Variants in AUH observed in about 807,000 individuals in gnomAD.
AUH encodes the protein methylglutaconyl-CoA hydratase, mitochondrial.
AUH carries 29 observed loss-of-function variants against 42.3 expected under a neutral mutation model. The ratio of observed to expected loss-of-function variants is 0.69; its 90% CI spans 0.51 to 0.93. The LOEUF is 0.93. Among genes scored for constraint, AUH ranks in the 40% least tolerant of loss-of-function variants. The probability of loss-of-function intolerance (pLI) is 0.00; values close to 1 mark genes in which losing one functional copy is unlikely to be tolerated. For synonymous variants in AUH, 174 were observed against 166.4 expected (o/e 1.05, Z -0.35); for missense variants, 452 against 438.1 (o/e 1.03, Z -0.28).
At chr9:91,217,191 A>G (rs1290896082) in intron 8 of AUH, 86 bp downstream of exon 8, 10 of 1,405,474 alleles carry the variant, frequency 7.1e-6, no homozygotes, top group Non-Finnish European at 9.9e-6. Context: ...GAACTTTAAA[A>G]AAAATGTAGA....
intron 6 of AUH, among the ~76,000 whole-genome samples, chr9:91,285,421 G>C (rs1826323326): frequency 6.6e-6 from 1 of 151,432 alleles, no homozygotes; most frequent in Non-Finnish European, 1.5e-5. Context: ...TAACAAATCT[G>C]CACATTGTGC....
At chr9:91,300,915 C>T (rs1304966836) in intron 4 of AUH, among the ~76,000 whole-genome samples, 2 of 152,172 alleles carry the variant, frequency 1.3e-5, no homozygotes, top group East Asian at 1.9e-4. Flanking sequence ...CTGTGCATAA[C>T]CTTTTCTATC....
At chr9:91,331,048 G>T (rs538502534) in intron 3 of AUH, among the ~76,000 whole-genome samples, 1 of 152,140 alleles carries the variant, frequency 6.6e-6, no homozygotes, top group South Asian at 2.1e-4. Flanking sequence ...TAAGTTTCCT[G>T]ATTCCATACG....
intron 6 of AUH, among the ~76,000 whole-genome samples, chr9:91,272,425 T>C (rs1227503195): frequency 1.3e-5 from 2 of 152,184 alleles, no homozygotes; most frequent in East Asian, 3.9e-4. Context: ...AATCAGCACA[T>C]CTTAGGAGTC....
At position 91,273,964 on chromosome 9, in the gene AUH, A is replaced by G. The variant is rs1423334564; in HGVS notation, c.655+22057T>C. Among the ~76,000 whole-genome samples the G allele has an allele frequency of 3.3e-5, 5 of 152,342 alleles. No homozygotes were observed. The East Asian group carries it at 9.6e-4, about 29-fold the overall frequency. On this transcript the variant is annotated intron_variant, in intron 6 of 9. Transcript: ENST00000375731. ...CTGACCAGGTATATTTGAATTTAAG[A>G]AAGACAATCTGTTCTTTTGAGTCTA...
intron 6 of AUH, among the ~76,000 whole-genome samples, chr9:91,278,902 G>A (rs184876948): frequency 8.7e-4 from 133 of 152,250 alleles, no homozygotes; most frequent in African/African-American, 2.9e-3. Context: ...CCCAGGCAAA[G>A]AAAAGATTCC....
chr9:91,268,646 T>C (rs1054792300), intron 6 of AUH, among the ~76,000 whole-genome samples: 2 of 152,088 alleles, frequency 1.3e-5, no homozygotes, highest in Non-Finnish European at 2.9e-5. Context: ...CCCAGGCTGG[T>C]CTCAAACTCC....
intron 1 of AUH, among the ~76,000 whole-genome samples, chr9:91,359,418 T>A (rs1832681879): frequency 6.6e-6 from 1 of 152,118 alleles, no homozygotes; most frequent in Non-Finnish European, 1.5e-5. Context: ...CATAAATGGA[T>A]CATATGTTCT....
rs540546157 is a variant in AUH, at chr9:91,222,531, C to T, written c.656-1539G>A. Among the ~76,000 whole-genome samples the T allele has an allele frequency of 5.9e-5, 9 of 152,246 alleles. No homozygotes were observed. The South Asian group carries it at 6.2e-4, about 11-fold the overall frequency. ...AGTTTATATAAGTGTTTACTCGATA[C>T]GGCAGAAAATATGTGTCTGAAGACA... On this transcript the variant is annotated intron_variant, in intron 6 of 9. Coordinates refer to ENST00000375731, the MANE Select transcript of AUH (RefSeq NM_001698.3).
At chr9:91,252,639 G>T (rs1351364066) in intron 6 of AUH, among the ~76,000 whole-genome samples, 1 of 152,138 alleles carries the variant, frequency 6.6e-6, no homozygotes, top group Non-Finnish European at 1.5e-5. Flanking sequence ...ATGGCACCTG[G>T]ATTACCAAAG....
intron 6 of AUH, among the ~76,000 whole-genome samples, chr9:91,259,229 T>C (rs982669965): frequency 2.0e-5 from 3 of 152,232 alleles, no homozygotes; most frequent in African/African-American, 7.2e-5. Context: ...CCTATTCTCA[T>C]GTCATGTTTT....
At chr9:91,226,100 G>C (rs1331395823) in intron 6 of AUH, among the ~76,000 whole-genome samples, 3 of 147,966 alleles carry the variant, frequency 2.0e-5, no homozygotes, top group Non-Finnish European at 4.5e-5. Context: ...GGTATTTCTA[G>C]TTCTAGATCC....
chr9:91,230,602 T>C (rs1017833249), intron 6 of AUH, among the ~76,000 whole-genome samples: 10 of 152,258 alleles, frequency 6.6e-5, no homozygotes, highest in African/African-American at 2.4e-4. Flanking sequence ...GGTGAGGAGC[T>C]GCGTTCCTTT....
At chr9:91,289,550 A>C (rs944670535) in intron 6 of AUH, among the ~76,000 whole-genome samples, 8 of 152,230 alleles carry the variant, frequency 5.3e-5, no homozygotes, top group African/African-American at 1.9e-4. Flanking sequence ...CCAAGAAGGG[A>C]GAAAAAAATT....
intron 8 of AUH, among the ~76,000 whole-genome samples, chr9:91,216,561 A>G (rs1396537790): frequency 6.6e-6 from 1 of 152,182 alleles, no homozygotes; most frequent in Non-Finnish European, 1.5e-5. Flanking sequence ...ACTTTTGCAA[A>G]TTTATGAAAC....
In AUH at chr9:91,294,320, CAGGCAGA is replaced by C. The variant is rs1827142199; in HGVS notation, c.655+1694_655+1700del. On this transcript the variant is annotated intron_variant, in intron 6 of 9. Transcript: ENST00000375731. ...ATCCCAGCACTTTGGGAGCTTGAGG[CAGGCAGA>C]TCATGAGGTCAAGAGATCAAGACCA... Among the ~76,000 whole-genome samples, 11 of 152,274 alleles carry C rather than the reference CAGGCAGA, an allele frequency of 7.2e-5. No homozygotes were observed. The South Asian group carries it at 2.3e-3, about 32-fold the overall frequency.
chr9:91,301,773 T>C (rs1827804176), intron 4 of AUH, among the ~76,000 whole-genome samples: 2 of 152,142 alleles, frequency 1.3e-5, no homozygotes, highest in South Asian at 4.1e-4. Flanking sequence ...CCTTACAATT[T>C]GTAAGAAATA....
At chr9:91,322,075 C>A (rs1448267299) in intron 4 of AUH, among the ~76,000 whole-genome samples, 1 of 152,120 alleles carries the variant, frequency 6.6e-6, no homozygotes, top group Non-Finnish European at 1.5e-5. Context: ...AGTAAGTCTA[C>A]TGTAATGTTA....
rs191063545 is a variant in AUH at position 91,305,034 on chromosome 9, T to C, written c.506-6958A>G. Among the ~76,000 whole-genome samples, 568 of 152,316 alleles carry C rather than the reference T, an allele frequency of 3.7e-3. 2 individuals are homozygous for C. Among genetic ancestry groups the C allele is most frequent in the Non-Finnish European group, 6.9e-3 (470 of 68,020 alleles). ...ATTCATTTGGAAAAACTCAGCAATA[T>C]ATTATTTTAATACCATACTAGGATA... On this transcript the variant is annotated intron_variant, in intron 4 of 9. Coordinates refer to ENST00000375731, the MANE Select transcript of AUH (RefSeq NM_001698.3).
Sources: allele counts gnomAD v4.1 joint callset (sites outside exome capture counted in the v4.1 genomes callset), GRCh38; gene constraint gnomAD v4.1.1; transcripts MANE v1.5; gene names NCBI Gene and HGNC (gene_info 2026-07-23, HGNC 2026-07-21).